TEKT5: variants seen among roughly 807,000 people sequenced by gnomAD.
TEKT5 encodes tektin 5.
In TEKT5, 52 loss-of-function variants were observed where a neutral mutation model predicts 48.7. The observed-to-expected ratio is 1.07, with a 90% confidence interval of 0.86 to 1.35. The LOEUF (loss-of-function observed/expected upper bound fraction) is 1.35. TEKT5 is among the 40% of genes most tolerant of loss of function. The pLI is 0.00. For missense variants in TEKT5, 831 were observed against 641.6 expected (o/e 1.30, Z -3.19); for synonymous variants, 318 against 267.6 (o/e 1.19, Z -1.84).
chr16:10,639,244 T>C (rs141288825), intron 5 of TEKT5, among the ~76,000 whole-genome samples: 8 of 152,114 alleles, frequency 5.3e-5, no homozygotes, highest in Non-Finnish European at 1.2e-4. Context: ...GAGTTCAAGG[T>C]TGCAGTGAGC....
At chr16:10,630,295 G>A (rs1109649) in intron 6 of TEKT5, among the ~76,000 whole-genome samples, 10,536 of 151,670 alleles carry the variant, frequency 0.069, 496 homozygotes, top group East Asian at 0.21. Context: ...GAGTGTAGTG[G>A]TGCCACCATA....
chr16:10,677,274 G>C (rs545430777), intron 4 of TEKT5, among the ~76,000 whole-genome samples: 1 of 100,482 alleles, frequency 1.0e-5, no homozygotes, highest in South Asian at 3.2e-4. Flanking sequence ...AACGGGAATA[G>C]ATGGAATACT....
At chr16:10,650,081 A>AT (rs1185165936) in intron 5 of TEKT5, among the ~76,000 whole-genome samples, 5 of 138,136 alleles carry the variant, frequency 3.6e-5, no homozygotes, top group South Asian at 4.6e-4. Flanking sequence ...TTTTATTATT[A>AT]TTTTTTTTGA....
Position 10,694,302 on chromosome 16 carries a change from G to A in TEKT5, c.564+8C>T, listed in dbSNP as rs976579277. ...CAGCCACAGCCCTGTCCCCACCCCT[G>A]TACTCACCTGCAATGGGCAGTTCAC... On this transcript the variant is annotated splice_region_variant and intron_variant, in intron 1 of 6. Coordinates refer to ENST00000283025, the MANE Select transcript of TEKT5 (RefSeq NM_144674.2). 8 of 1,580,534 alleles carry A rather than the reference G, an allele frequency of 5.1e-6. No individual in the cohort carries two copies. Among genetic ancestry groups the A allele is most frequent in the African/African-American group, 1.3e-5 (1 of 74,486 alleles).
intron 6 of TEKT5, among the ~76,000 whole-genome samples, chr16:10,632,343 G>A (rs1383313524): frequency 6.6e-6 from 1 of 152,060 alleles, no homozygotes; most frequent in East Asian, 1.9e-4. Flanking sequence ...TGTTCCCCAG[G>A]ATGGAGTACA....
At chr16:10,666,632 A>T (rs1898461914) in intron 5 of TEKT5, among the ~76,000 whole-genome samples, 1 of 152,224 alleles carries the variant, frequency 6.6e-6, no homozygotes, top group African/African-American at 2.4e-5. Flanking sequence ...GACTGCAGAG[A>T]GAGGGAACGC....
Position 10,694,322 on chromosome 16 carries a change from G to A in TEKT5, c.552C>T (p.Asn184=), listed in dbSNP as rs148458964. ...CCCCTGTACTCACCTGCAATGGGCA[G>A]TTCACCTCATTGGCCGCGCACTCCA... ...RRLECAANEV[N]CPLQVALECL... Residue 184 remains asparagine, a synonymous_variant, in exon 1 of 7, where the codon AAC becomes AAT. Coordinates refer to ENST00000283025, the MANE Select transcript of TEKT5 (RefSeq NM_144674.2). 6 of 1,599,480 alleles carry A rather than the reference G, an allele frequency of 3.8e-6. No individual in the cohort carries two copies. The African/African-American group carries it at 6.7e-5, about 18-fold the overall frequency.
chr16:10,639,096 G>A (rs185773442), intron 5 of TEKT5, among the ~76,000 whole-genome samples: 5 of 152,294 alleles, frequency 3.3e-5, no homozygotes, highest in Non-Finnish European at 7.3e-5. Context: ...CTTGAGCCCA[G>A]GAGTTTGAGA....
At chr16:10,677,849 C>T (rs1286231359) in intron 4 of TEKT5, among the ~76,000 whole-genome samples, 1 of 151,058 alleles carries the variant, frequency 6.6e-6, no homozygotes, top group African/African-American at 2.4e-5. Flanking sequence ...GGACAGAGAG[C>T]CCAGGAGAGG....
chr16:10,661,546 C>A (rs1898370382), intron 5 of TEKT5, among the ~76,000 whole-genome samples: 1 of 152,190 alleles, frequency 6.6e-6, no homozygotes, highest in African/African-American at 2.4e-5. Context: ...GGAGGATAGA[C>A]AGAGGGGACA....
rs958857438 is a variant in TEKT5 at position 10,670,383 on chromosome 16, C to T, written c.1086+5576G>A. On this transcript the variant is annotated intron_variant, in intron 5 of 6. Coordinates refer to ENST00000283025, the MANE Select transcript of TEKT5 (RefSeq NM_144674.2). ...CTCTACTAAAAATACAAAAATTAGCCGAGCATGGTGGCAGCTGCCCAGCTA... is the reference window on the plus strand; with the variant it reads ...CTCTACTAAAAATACAAAAATTAGCTGAGCATGGTGGCAGCTGCCCAGCTA... Among the ~76,000 whole-genome samples, 5 of 151,932 alleles carry T rather than the reference C, an allele frequency of 3.3e-5. No homozygotes were observed. The East Asian group carries it at 7.7e-4, about 23-fold the overall frequency.
chr16:10,673,404 A>G (rs1011693964), intron 5 of TEKT5, among the ~76,000 whole-genome samples: 1 of 152,178 alleles, frequency 6.6e-6, no homozygotes, highest in Non-Finnish European at 1.5e-5. Context: ...CAAAGCTGAA[A>G]ACAGTTATCA....
chr16:10,647,135 G>A (rs1292104558), intron 5 of TEKT5, among the ~76,000 whole-genome samples: 2 of 152,032 alleles, frequency 1.3e-5, no homozygotes, highest in Non-Finnish European at 2.9e-5. Context: ...GCCTATTGCT[G>A]GGGTGGACGG....
chr16:10,690,639 G>A (rs1225546240), intron 1 of TEKT5: 2 of 985,280 alleles, frequency 2.0e-6, no homozygotes, highest in African/African-American at 1.7e-5. Flanking sequence ...ATCTCCCAGT[G>A]GAGGGACAGT....
rs1161346263 is a variant in TEKT5 at position 10,645,134 on chromosome 16, T to C, written c.1087-9216A>G. Among the ~76,000 whole-genome samples the C allele has an allele frequency of 2.0e-5, 3 of 152,154 alleles. No individual in the cohort carries two copies. The East Asian group carries it at 5.8e-4, about 29-fold the overall frequency. ...TTTGATGTTTACAAACCACCTAGCC[T>C]ATGGTGGTACTTGGTTATAGTAGCA... On this transcript the variant is annotated intron_variant, in intron 5 of 6. Transcript: ENST00000283025.
chr16:10,685,404 A>G (rs1170709007), intron 3 of TEKT5, among the ~76,000 whole-genome samples: 1 of 151,906 alleles, frequency 6.6e-6, no homozygotes, highest in Non-Finnish European at 1.5e-5. Flanking sequence ...GGTTCAAGCG[A>G]TTCTCCTGCC....
chr16:10,676,954 C>G (rs537256314), intron 4 of TEKT5, among the ~76,000 whole-genome samples: 9 of 127,532 alleles, frequency 7.1e-5, no homozygotes, highest in African/African-American at 2.8e-4. Context: ...GAGGCCAAGG[C>G]AGGCAGATCA....
At chr16:10,676,712 A>G (rs1251483042) in intron 4 of TEKT5, among the ~76,000 whole-genome samples, 1 of 152,214 alleles carries the variant, frequency 6.6e-6, no homozygotes, top group Non-Finnish European at 1.5e-5. Flanking sequence ...TTTCACTGCC[A>G]TTCATTCATG....
rs780956752 is a variant in TEKT5, at chr16:10,627,711, C to T, written c.1330G>A (p.Val444Ile). 1 of 1,614,210 alleles carries T rather than the reference C, an allele frequency of 6.2e-7. No homozygotes were observed. Among genetic ancestry groups the T allele is most frequent in the Admixed American group, 1.7e-5 (1 of 60,028 alleles). ...TGCTCCAGCCGGCACTTGGTCATGA[C>T]CAGCAGCTGCAGCGTGTCCTGTGTC... ...RETQDTLQLL[V>I]MTKCRLEHEL... The change falls in exon 7 of 7, where the codon GTC (valine) becomes ATC (isoleucine). Residue 444 changes from valine (V) to isoleucine (I), a missense_variant. Physicochemically the swap from Val to Ile is conservative, Grantham distance 29. Transcript: ENST00000283025.
Sources: gnomAD v4.1 joint callset for allele counts (sites outside exome capture counted in the v4.1 genomes callset) on GRCh38, gnomAD v4.1.1 for gene constraint, MANE v1.5 for transcripts, NCBI Gene and HGNC (gene_info 2026-07-23, HGNC 2026-07-21) for gene names.